The following PLXNC1 variants were observed in gnomAD, a reference collection of about 807,000 sequenced individuals.
PLXNC1 encodes the protein plexin C1, also known as plexin-C1.
In PLXNC1, 75 loss-of-function variants were observed where a neutral mutation model predicts 178.2. The ratio of observed to expected loss-of-function variants is 0.42; its 90% confidence interval spans 0.35 to 0.51. The LOEUF is 0.51. PLXNC1 is among the 20% of genes least tolerant of loss of function. The pLI is 0.02. For synonymous variants in PLXNC1, 790 were observed against 779.9 expected, an observed-to-expected ratio of 1.01 and a Z score of -0.22; for missense variants, 1,503 against 1,984.4, an observed-to-expected ratio of 0.76 and a Z score of 4.61.
chr12:94,178,209 T>C lies in PLXNC1; in HGVS notation c.1204-3237T>C, dbSNP rs192602375. On this transcript the variant is annotated intron_variant, in intron 2 of 30. Coordinates refer to ENST00000258526, the MANE Select transcript of PLXNC1 (RefSeq NM_005761.3). ...ATTTTGCCCTATAGAATGTCTCTTATCATGTGTTTGGCTTTTTGCTTCCTT... is the reference window on the plus strand; with the variant it reads ...ATTTTGCCCTATAGAATGTCTCTTACCATGTGTTTGGCTTTTTGCTTCCTT... Among the ~76,000 whole-genome samples, 759 of 152,330 alleles carry C rather than the reference T, an allele frequency of 5.0e-3. 10 individuals carry two copies. Among genetic ancestry groups the C allele is most frequent in the African/African-American group, 0.017 (723 of 41,568 alleles).
At chr12:94,243,907 A>C in intron 11 of PLXNC1, 31 bp from the exon 12 acceptor site, 1 of 1,168,026 alleles carries the variant, frequency 8.6e-7, no homozygotes, top group Non-Finnish European at 1.3e-6. Context: ...GTTAGCTATG[A>C]AACCCTTATT....
At chr12:94,239,872 CT>C (rs1267827631) in intron 10 of PLXNC1, among the ~76,000 whole-genome samples, 1 of 152,204 alleles carries the variant, frequency 6.6e-6, no homozygotes, top group Non-Finnish European at 1.5e-5. Context: ...CCATCTCTGT[CT>C]GGTGCTGTGT....
intron 23 of PLXNC1, among the ~76,000 whole-genome samples, chr12:94,290,609 C>A (rs1967217081): frequency 5.3e-5 from 8 of 152,236 alleles, no homozygotes; most frequent in Admixed American, 4.6e-4. Context: ...GTTTGAGGAC[C>A]TCTTGAGGGC....
At chr12:94,179,241 CA>C (rs1430908465) in intron 2 of PLXNC1, among the ~76,000 whole-genome samples, 2 of 152,166 alleles carry the variant, frequency 1.3e-5, no homozygotes, top group Non-Finnish European at 2.9e-5. Flanking sequence ...AGACTTTGTC[CA>C]AAAAGAATCT....
intron 3 of PLXNC1, among the ~76,000 whole-genome samples, chr12:94,184,370 C>T (rs1057182557): frequency 1.2e-4 from 18 of 151,990 alleles, no homozygotes; most frequent in African/African-American, 4.4e-4. Context: ...AGGTGATCCA[C>T]CCACCTCAGC....
intron 4 of PLXNC1, among the ~76,000 whole-genome samples, chr12:94,198,070 T>G (rs1377137529): frequency 6.6e-6 from 1 of 152,118 alleles, no homozygotes; most frequent in Non-Finnish European, 1.5e-5. Flanking sequence ...TCAAAATCCC[T>G]CCACACGTAT....
chr12:94,301,395 A>G (rs976317986), intron 28 of PLXNC1, among the ~76,000 whole-genome samples: 4 of 152,238 alleles, frequency 2.6e-5, no homozygotes, highest in African/African-American at 9.6e-5. Context: ...ATTTGCCTAA[A>G]TCAATTCTAT....
At chr12:94,222,728 T>G (rs116358265) in intron 6 of PLXNC1, among the ~76,000 whole-genome samples, 3,492 of 152,324 alleles carry the variant, frequency 0.023, 43 homozygotes, top group Non-Finnish European at 0.03. Context: ...TGAAAAAAAG[T>G]ATGACTTTTG....
intron 4 of PLXNC1, among the ~76,000 whole-genome samples, chr12:94,202,532 G>A (rs1172274407): frequency 6.6e-6 from 1 of 152,340 alleles, no homozygotes; most frequent in South Asian, 2.1e-4. Flanking sequence ...ACACAGAGGA[G>A]GGAGTGACTG....
chr12:94,237,085 T>G (rs1964263403), intron 9 of PLXNC1, among the ~76,000 whole-genome samples: 1 of 152,198 alleles, frequency 6.6e-6, no homozygotes, highest in Non-Finnish European at 1.5e-5. Flanking sequence ...TCTACAAACC[T>G]TGGTTGGCCA....
intron 22 of PLXNC1, chr12:94,281,918 C>T (rs1327299452): frequency 9.5e-6 from 2 of 210,812 alleles, no homozygotes; most frequent in East Asian, 1.3e-4. Context: ...CCCCCTCCAC[C>T]CCGAACAGGA....
chr12:94,263,368 T>C (rs1965057410), intron 20 of PLXNC1, among the ~76,000 whole-genome samples: 1 of 152,186 alleles, frequency 6.6e-6, no homozygotes, highest in Admixed American at 6.5e-5. Context: ...CCCAGGAGCA[T>C]GGGCAGAGTG....
Position 94,259,362 on chromosome 12 carries a change from C to T in PLXNC1, c.3113C>T (p.Thr1038Ile), listed in dbSNP as rs951665435. The change falls in exon 18 of 31, where the codon ACT becomes ATT. Residue 1038 changes from threonine to isoleucine, a missense_variant. By Grantham distance (89) the Thr-to-Ile change is moderately conservative. Coordinates refer to ENST00000258526, the MANE Select transcript of PLXNC1 (RefSeq NM_005761.3). The stretch of plus-strand genomic sequence containing the variant: ...TCAGGTGGCTTCACCCACATCTTCA[C>T]TGAAGATATGCATGTAAGTCTCTAC... ...PESGGFTHIF[T>I]EDMHNRDAND... The T allele has an allele frequency of 2.0e-5, 32 of 1,596,512 alleles. No homozygotes were observed. Among genetic ancestry groups the T allele is most frequent in the Non-Finnish European group, 2.6e-5 (31 of 1,173,918 alleles).
rs758404945 is a variant in PLXNC1, at chr12:94,209,643, A to T, written c.1493A>T (p.Asp498Val). The change falls in exon 5 of 31, where the codon GAT (aspartate) becomes GTT (valine). Residue 498 changes from aspartate to valine, a missense_variant. Asp to Val is a radical substitution (Grantham distance 152). Around this residue, in one of 4 missense-constraint regions of PLXNC1, gnomAD observed 615 missense variants for 698.6 expected, o/e 0.88. Transcript: ENST00000258526. The part of the protein sequence containing the change: ...VHSENLENWL[D>V]ISSGAKKCPK... The stretch of plus-strand genomic sequence containing the variant: ...TCAGAGAACTTAGAAAACTGGCTGG[A>T]TATTTCGTCTGGAGCAAAAAAGTGC... 6.2e-7 allele frequency: 1 copy of T among 1,613,768 alleles called. No individual in the cohort carries two copies. Among genetic ancestry groups the T allele is most frequent in the Non-Finnish European group, 8.5e-7 (1 of 1,179,724 alleles).
At chr12:94,237,287 C>T (rs996040767) in intron 9 of PLXNC1, among the ~76,000 whole-genome samples, 18 of 152,180 alleles carry the variant, frequency 1.2e-4, no homozygotes, top group Non-Finnish European at 2.4e-4. Flanking sequence ...CATTGGCCTA[C>T]GGTCAATGGA....
intron 1 of PLXNC1, among the ~76,000 whole-genome samples, chr12:94,164,833 A>C (rs1324038794): frequency 6.6e-6 from 1 of 152,188 alleles, no homozygotes; most frequent in East Asian, 1.9e-4. Context: ...TCCAACTGAG[A>C]AAAGTTTCCC....
At chr12:94,209,506 A>G (rs547557626) in intron 4 of PLXNC1, 84 bp from the exon 5 acceptor site, 260 of 771,416 alleles carry the variant, frequency 3.4e-4, no homozygotes, top group Non-Finnish European at 4.9e-4. Flanking sequence ...CAAGTATAAG[A>G]AAGTTTTAAC....
intron 21 of PLXNC1, among the ~76,000 whole-genome samples, chr12:94,269,026 A>G (rs1286531039): frequency 4.6e-5 from 7 of 152,190 alleles, no homozygotes; most frequent in Admixed American, 2.6e-4. Context: ...TGGAGGAGTT[A>G]GTGAAAGTTT....
chr12:94,298,498 A>T (rs1968150296), intron 26 of PLXNC1, 134 bp from the exon 27 acceptor site: 1 of 740,580 alleles, frequency 1.4e-6, no homozygotes, highest in Non-Finnish European at 2.1e-6. Flanking sequence ...ACAATTTTAC[A>T]TTTTTCTCTT....
Sources: gnomAD v4.1 joint callset for allele counts (sites outside exome capture counted in the v4.1 genomes callset) on GRCh38, gnomAD v4.1.1 for gene constraint, gnomAD v4.1.1 regional missense constraint, MANE v1.5 for transcripts, NCBI Gene and HGNC (gene_info 2026-07-23, HGNC 2026-07-21) for gene names.